SFRP1: variants seen among roughly 807,000 people sequenced by gnomAD.
The protein encoded by SFRP1 is secreted frizzled-related protein 1.
A neutral mutation model predicts 25.9 loss-of-function variants in SFRP1; 9 were observed. The observed-to-expected ratio is 0.35, with a 90% CI of 0.21 to 0.61. The LOEUF (loss-of-function observed/expected upper bound fraction) is 0.61. SFRP1 is among the 20% of genes least tolerant of loss of function. The probability of loss-of-function intolerance (pLI) is 0.78; values close to 1 mark genes in which losing one functional copy is unlikely to be tolerated. For missense variants in SFRP1, 346 were observed against 418.2 expected (o/e 0.83, Z 1.51); for synonymous variants, 178 against 174.0 (o/e 1.02, Z -0.18).
Position 41,308,641 on chromosome 8 carries a change from A to T in SFRP1, c.519T>A (p.Asn173Lys), listed in dbSNP as rs1467880705. ...GDVCIAMTPP[N>K]ATEASKPQGT... ...CTTGGGGCTTGGAGGCTTCGGTGGC[A>T]TTGGGCGGCGTCATGGCGATGCAGA... The change falls in exon 1 of 3, where the codon AAT becomes AAA. Residue 173 changes from asparagine to lysine, a missense_variant. Asn to Lys is a moderately conservative substitution (Grantham distance 94). Coordinates refer to ENST00000220772, the MANE Select transcript of SFRP1 (RefSeq NM_003012.5). 6.2e-7 allele frequency: 1 copy of T among 1,605,860 alleles called. No individual in the cohort carries two copies.
At chr8:41,288,959 C>A (rs1803742972) in intron 2 of SFRP1, among the ~76,000 whole-genome samples, 1 of 152,190 alleles carries the variant, frequency 6.6e-6, no homozygotes, top group Admixed American at 6.5e-5. Flanking sequence ...TCCAGCAGTG[C>A]CCAGCCCTGG....
At chr8:41,303,412 G>A (rs758901686) in intron 2 of SFRP1, 49 bp downstream of exon 2, 3 of 1,390,360 alleles carry the variant, frequency 2.2e-6, no homozygotes, top group South Asian at 1.2e-5. Flanking sequence ...CAGAGGCACA[G>A]ACCAGGAGGT....
At chr8:41,279,381 A>C (rs1803607728) in intron 2 of SFRP1, among the ~76,000 whole-genome samples, 1 of 152,134 alleles carries the variant, frequency 6.6e-6, no homozygotes, top group Non-Finnish European at 1.5e-5. Context: ...CCCACCTATC[A>C]GTAGATGCAC....
chr8:41,298,616 G>A (rs1455633762), intron 2 of SFRP1, among the ~76,000 whole-genome samples: 1 of 151,878 alleles, frequency 6.6e-6, no homozygotes. Context: ...ATGTTGCCTG[G>A]GGTCTTGAGG....
intron 2 of SFRP1, among the ~76,000 whole-genome samples, chr8:41,300,415 C>T (rs1295048434): frequency 6.6e-6 from 1 of 152,136 alleles, no homozygotes; most frequent in Non-Finnish European, 1.5e-5. Flanking sequence ...GAAATTGCCA[C>T]CTGAACTCTC....
intron 2 of SFRP1, among the ~76,000 whole-genome samples, chr8:41,287,894 A>C (rs113924125): frequency 6.6e-6 from 1 of 152,204 alleles, no homozygotes; most frequent in Non-Finnish European, 1.5e-5. Context: ...ATGGAGCTGT[A>C]AGAGAGCAAC....
At chr8:41,274,537 C>A (rs59772399) in intron 2 of SFRP1, among the ~76,000 whole-genome samples, 1 of 151,936 alleles carries the variant, frequency 6.6e-6, no homozygotes, top group East Asian at 1.9e-4. Flanking sequence ...AAAGACAGTG[C>A]AAGAGAGATA....
chr8:41,301,959 A>G (rs926511300), intron 2 of SFRP1, among the ~76,000 whole-genome samples: 11 of 152,232 alleles, frequency 7.2e-5, no homozygotes, highest in Non-Finnish European at 1.5e-4. Context: ...CTTAAGGTCA[A>G]CCTTGCCAGA....
In SFRP1 at chr8:41,271,162, G is replaced by C. The variant is rs965683474; in HGVS notation, c.623-5673C>G. ...AATAGTTCAAAAGAAAAGACATATG[G>C]GCCCTCTGCAAAATTCTCAAGTGAG... On this transcript the variant is annotated intron_variant, in intron 2 of 2. Coordinates refer to ENST00000220772, the MANE Select transcript of SFRP1 (RefSeq NM_003012.5). 5 of 154,104 alleles carry C rather than the reference G, an allele frequency of 3.2e-5. No homozygotes were observed. In the South Asian group the frequency reaches 8.1e-4, roughly 25 times the overall value. 9.5% of individuals were successfully genotyped at this position (154,104 alleles called of 1,614,324 possible).
At chr8:41,308,573 G>T (rs758592000) in intron 1 of SFRP1, 43 bp downstream of exon 1, 5 of 1,474,544 alleles carry the variant, frequency 3.4e-6, no homozygotes, top group Non-Finnish European at 4.6e-6. Flanking sequence ...CCGGCCGGGG[G>T]ATGGAGGGGG....
At chr8:41,269,787 G>T (rs1803480737) in intron 2 of SFRP1, among the ~76,000 whole-genome samples, 1 of 152,180 alleles carries the variant, frequency 6.6e-6, no homozygotes, top group Non-Finnish European at 1.5e-5. Context: ...TGTGGGGAAA[G>T]GTGGCATGGG....
At chr8:41,290,752 C>G (rs1356451066) in intron 2 of SFRP1, among the ~76,000 whole-genome samples, 3 of 152,200 alleles carry the variant, frequency 2.0e-5, no homozygotes, top group South Asian at 4.1e-4. Context: ...GGCTCCAGGG[C>G]TCCTCTCTCC....
chr8:41,272,594 G>A (rs1803523809), intron 2 of SFRP1, among the ~76,000 whole-genome samples: 1 of 152,136 alleles, frequency 6.6e-6, no homozygotes, highest in African/African-American at 2.4e-5. Flanking sequence ...AGGTGACAGA[G>A]CCAGACTGTC....
chr8:41,268,238 A>G (rs374871253), intron 2 of SFRP1, among the ~76,000 whole-genome samples: 52 of 152,266 alleles, frequency 3.4e-4, no homozygotes, highest in African/African-American at 1.1e-3. Context: ...AGGCATCAAT[A>G]GTACTTTATT....
At chr8:41,281,965 GC>G (rs1182931109) in intron 2 of SFRP1, among the ~76,000 whole-genome samples, 9 of 152,318 alleles carry the variant, frequency 5.9e-5, no homozygotes, top group Admixed American at 2.6e-4. Flanking sequence ...TGTCTGAAGA[GC>G]CTGAAATGAG....
chr8:41,267,576 G>A (rs1042268799), intron 2 of SFRP1, among the ~76,000 whole-genome samples: 4 of 152,148 alleles, frequency 2.6e-5, no homozygotes, highest in African/African-American at 9.7e-5. Context: ...TCTTTAACCT[G>A]AACTAAATCA....
intron 2 of SFRP1, among the ~76,000 whole-genome samples, chr8:41,292,228 C>A (rs1157441307): frequency 6.6e-6 from 1 of 152,208 alleles, no homozygotes; most frequent in Non-Finnish European, 1.5e-5. Flanking sequence ...CTGCAGAATT[C>A]TTTGCAGCGA....
At chr8:41,302,556 T>C (rs1218913606) in intron 2 of SFRP1, among the ~76,000 whole-genome samples, 1 of 152,168 alleles carries the variant, frequency 6.6e-6, no homozygotes, top group East Asian at 1.9e-4. Flanking sequence ...GAGAAACACG[T>C]TGTTCAGCAT....
chr8:41,292,858 T>C (rs1347792548), intron 2 of SFRP1, among the ~76,000 whole-genome samples: 2 of 152,210 alleles, frequency 1.3e-5, no homozygotes, highest in Non-Finnish European at 2.9e-5. Flanking sequence ...TAAATGAATG[T>C]GTGTTAAGAG....
Sources: allele counts gnomAD v4.1 joint callset (sites outside exome capture counted in the v4.1 genomes callset), GRCh38; gene constraint gnomAD v4.1.1; transcripts MANE v1.5; gene names NCBI Gene and HGNC (gene_info 2026-07-23, HGNC 2026-07-21).